ZNF423: variants seen among roughly 807,000 people sequenced by gnomAD.
ZNF423 encodes the protein zinc finger protein 423, also known as Ebf-associated zinc finger protein.
ZNF423 carries 12 observed loss-of-function variants against 95.8 expected under a neutral mutation model. That is an observed-to-expected ratio of 0.13 (90% CI 0.08 to 0.20). The LOEUF is 0.20. Ranked by LOEUF, ZNF423 falls within the 10% of genes least tolerant of loss-of-function variation. ZNF423 has a pLI of 1.00. For missense variants in ZNF423, 1,316 were observed against 1,737.1 expected, an observed-to-expected ratio of 0.76 and a Z score of 4.31; for synonymous variants, 749 against 711.9, an observed-to-expected ratio of 1.05 and a Z score of -0.83.
At chr16:49,494,466 G>T (rs2031877660) in intron 7 of ZNF423, among the ~76,000 whole-genome samples, 2 of 152,244 alleles carry the variant, frequency 1.3e-5, no homozygotes. Context: ...CAGTGAGGGG[G>T]AGGGGAAGAC....
chr16:49,617,120 G>A (rs1379181107), intron 5 of ZNF423, among the ~76,000 whole-genome samples: 1 of 152,142 alleles, frequency 6.6e-6, no homozygotes, highest in Non-Finnish European at 1.5e-5. Flanking sequence ...GGAAGGGCAG[G>A]GGTCACCAGC....
Position 49,681,248 on chromosome 16 carries a change from C to T in ZNF423, c.302-42374G>A. Among the ~76,000 whole-genome samples the T allele has an allele frequency of 1.3e-5, 2 of 152,194 alleles. 1 individual carries two copies. The highest frequency in any genetic ancestry group is 2.9e-5 in the Non-Finnish European group (2 of 68,028). On this transcript the variant is annotated intron_variant, in intron 3 of 7. Transcript: ENST00000563137. ...ACTGAACACCAAGGTATCTTTTATC[C>T]TAAGCCATGACTGCAGCTGCTCTAG...
chr16:49,745,117 T>A (rs572088620), intron 2 of ZNF423, among the ~76,000 whole-genome samples: 31 of 149,466 alleles, frequency 2.1e-4, no homozygotes, highest in Non-Finnish European at 4.3e-4. Context: ...TGCTTTTGTT[T>A]AAAAAAAAAA....
chr16:49,563,618 G>A (rs1002348439), intron 5 of ZNF423, among the ~76,000 whole-genome samples: 1 of 152,228 alleles, frequency 6.6e-6, no homozygotes, highest in Non-Finnish European at 1.5e-5. Context: ...AAGGGGCAGA[G>A]CCCAGACTCA....
At chr16:49,772,732 C>G (rs1319408068) in intron 2 of ZNF423, among the ~76,000 whole-genome samples, 2 of 152,218 alleles carry the variant, frequency 1.3e-5, no homozygotes, top group African/African-American at 4.8e-5. Flanking sequence ...CATCTTAAAA[C>G]CCCAGAGTCA....
intron 1 of ZNF423, among the ~76,000 whole-genome samples, chr16:49,805,909 T>A (rs1381077209): frequency 2.0e-5 from 3 of 152,246 alleles, no homozygotes; most frequent in African/African-American, 7.2e-5. Flanking sequence ...AGCCAGTCCA[T>A]CCAGGGTTGC....
At chr16:49,540,699 G>A (rs956137685) in intron 5 of ZNF423, among the ~76,000 whole-genome samples, 1 of 152,146 alleles carries the variant, frequency 6.6e-6, no homozygotes. Flanking sequence ...TGACAATTTA[G>A]AATTCCAAAA....
intron 3 of ZNF423, among the ~76,000 whole-genome samples, chr16:49,724,739 C>T (rs984660137): frequency 1.1e-4 from 17 of 152,190 alleles, no homozygotes; most frequent in Non-Finnish European, 2.2e-4. Context: ...ACTTTCCACC[C>T]GGCTTGTTGC....
rs1013321519 is a variant in ZNF423 at position 49,516,161 on chromosome 16, C to T, written c.3849+7463G>A. Among the ~76,000 whole-genome samples the T allele has an allele frequency of 5.9e-5, 9 of 152,210 alleles. 1 individual carries two copies. Among genetic ancestry groups the T allele is most frequent in the Admixed American group, 3.9e-4 (6 of 15,288 alleles). On this transcript the variant is annotated intron_variant, in intron 7 of 7. Transcript: ENST00000563137. ...AAGCCCCGGCCCTCTGGCCTCCATT[C>T]CATGCCCTTTATGCCCCGTCTCACT... is the stretch of plus-strand genomic sequence containing the variant.
At chr16:49,660,770 C>A (rs1487206024) in intron 3 of ZNF423, among the ~76,000 whole-genome samples, 1 of 151,962 alleles carries the variant, frequency 6.6e-6, no homozygotes, top group Non-Finnish European at 1.5e-5. Flanking sequence ...AGCTACACAG[C>A]CTCAGCCTGA....
chr16:49,652,004 G>A (rs1973426185), intron 3 of ZNF423, among the ~76,000 whole-genome samples: 2 of 152,184 alleles, frequency 1.3e-5, no homozygotes, highest in South Asian at 4.1e-4. Flanking sequence ...GCCCTGAAAG[G>A]AGCTTCAAGA....
intron 5 of ZNF423, among the ~76,000 whole-genome samples, chr16:49,610,264 A>G (rs1971680267): frequency 6.6e-6 from 1 of 152,204 alleles, no homozygotes; most frequent in Non-Finnish European, 1.5e-5. Flanking sequence ...AGGAAATTTT[A>G]CTGTAGATAC....
At chr16:49,727,396 G>T (rs1055698040) in intron 3 of ZNF423, among the ~76,000 whole-genome samples, 2 of 151,968 alleles carry the variant, frequency 1.3e-5, no homozygotes, top group Non-Finnish European at 2.9e-5. Flanking sequence ...ACCCCTGAGG[G>T]GTAAGCATCC....
chr16:49,699,285 T>A (rs1399121138), intron 3 of ZNF423, among the ~76,000 whole-genome samples: 1 of 152,030 alleles, frequency 6.6e-6, no homozygotes, highest in Non-Finnish European at 1.5e-5. Context: ...GTAACTCTAA[T>A]AAAGGAAAGG....
At chr16:49,548,475 T>G (rs1387515058) in intron 5 of ZNF423, among the ~76,000 whole-genome samples, 1 of 152,016 alleles carries the variant, frequency 6.6e-6, no homozygotes, top group Non-Finnish European at 1.5e-5. Flanking sequence ...ACATGCCAGC[T>G]CTGACACCAG....
rs1382919282 is a variant in ZNF423, at chr16:49,637,274, G to A, written c.1902C>T (p.Ser634=). 1 of 1,614,244 alleles carries A rather than the reference G, an allele frequency of 6.2e-7. No individual in the cohort carries two copies. The highest frequency in any genetic ancestry group is 1.7e-5 in the Admixed American group (1 of 60,038). The change falls in exon 4 of 8, where the codon TCC becomes TCT. Residue 634 remains serine, a synonymous_variant. Transcript: ENST00000563137. The surrounding 1 kb of genome is among the most constrained non-coding windows in gnomAD (Gnocchi z 5.6). The part of the protein sequence containing the change: ...KRQRLSASAN[S]ISNGEYPCNQ... Reference sequence around the variant, plus strand: ...TGCAAGGATACTCCCCATTGGAGATGGAGTTGGCGCTTGCTGAGAGCCGCT... The same window carrying A: ...TGCAAGGATACTCCCCATTGGAGATAGAGTTGGCGCTTGCTGAGAGCCGCT...
chr16:49,805,147 TG>T (rs756446616), intron 1 of ZNF423, among the ~76,000 whole-genome samples: 4 of 152,058 alleles, frequency 2.6e-5, no homozygotes, highest in Non-Finnish European at 5.9e-5. Context: ...GTGATCCACC[TG>T]CCTCAGCCTC....
chr16:49,516,080 C>T (rs973553414), intron 7 of ZNF423, among the ~76,000 whole-genome samples: 1 of 152,186 alleles, frequency 6.6e-6, no homozygotes, highest in Non-Finnish European at 1.5e-5. Flanking sequence ...AATAGAGGGT[C>T]CTAAGAAAAG....
chr16:49,499,582 G>C (rs896302137), intron 7 of ZNF423, among the ~76,000 whole-genome samples: 1 of 152,140 alleles, frequency 6.6e-6, no homozygotes, highest in African/African-American at 2.4e-5. Flanking sequence ...GATGCCAACC[G>C]GATCCAGGTT....
Sources: allele counts gnomAD v4.1 joint callset (sites outside exome capture counted in the v4.1 genomes callset), GRCh38; gene constraint gnomAD v4.1.1; non-coding constraint Gnocchi (gnomAD v3.1); transcripts MANE v1.5; gene names NCBI Gene and HGNC (gene_info 2026-07-23, HGNC 2026-07-21).